Variants in HMGXB3 observed in about 807,000 individuals in gnomAD.
The protein encoded by HMGXB3 is HMG-box containing 3, also known as HMG domain-containing protein 3.
In HMGXB3, 45 loss-of-function variants were observed where a neutral mutation model predicts 121.5. That is an observed-to-expected ratio of 0.37 (90% confidence interval 0.29 to 0.47). The LOEUF (loss-of-function observed/expected upper bound fraction) is 0.47, where lower values mean the gene tolerates loss of function less well. Among genes scored for constraint, HMGXB3 ranks in the 20% least tolerant of loss-of-function variants. The pLI is 0.99. For synonymous variants in HMGXB3, 590 were observed against 624.1 expected, an observed-to-expected ratio of 0.95 and a Z score of 0.81; for missense variants, 1,376 against 1,602.2, an observed-to-expected ratio of 0.86 and a Z score of 2.41.
intron 11 of HMGXB3, among the ~76,000 whole-genome samples, chr5:150,033,005 G>A (rs142915485): frequency 5.4e-4 from 82 of 152,286 alleles, no homozygotes; most frequent in African/African-American, 1.8e-3. Context: ...TTAGACCACC[G>A]CTGCTTTCTC....
chr5:150,007,284 C>G (rs922138531), intron 3 of HMGXB3, among the ~76,000 whole-genome samples: 1 of 152,172 alleles, frequency 6.6e-6, no homozygotes, highest in African/African-American at 2.4e-5. Flanking sequence ...TTCACAGTAA[C>G]AAAATACACT....
intron 15 of HMGXB3, among the ~76,000 whole-genome samples, chr5:150,043,860 CTG>C (rs1756694463): frequency 6.6e-6 from 1 of 152,242 alleles, no homozygotes; most frequent in South Asian, 2.1e-4. Flanking sequence ...CAGCCGCTGA[CTG>C]TGGAGTCTGC....
intron 16 of HMGXB3, 161 bp from the exon 17 acceptor site, chr5:150,047,463 A>G (rs1457715653): frequency 2.7e-6 from 2 of 737,320 alleles, no homozygotes; most frequent in South Asian, 1.9e-5. Context: ...GACTTCAAAT[A>G]TCTGCAGAAA....
intron 18 of HMGXB3, 62 bp from the exon 19 acceptor site, chr5:150,050,190 T>G (rs1756856680): frequency 6.5e-6 from 9 of 1,385,478 alleles, no homozygotes; most frequent in South Asian, 5.0e-5. Flanking sequence ...GAGTGAGAAC[T>G]GTACACTCTC....
intron 16 of HMGXB3, among the ~76,000 whole-genome samples, chr5:150,046,742 G>T (rs905305464): frequency 1.3e-5 from 2 of 152,014 alleles, no homozygotes; most frequent in African/African-American, 4.8e-5. Flanking sequence ...AACCCGGGAG[G>T]CGGAGATTGC....
At chr5:150,031,100 GCCA>G (rs1213912416) in intron 10 of HMGXB3, among the ~76,000 whole-genome samples, 1 of 152,128 alleles carries the variant, frequency 6.6e-6, no homozygotes, top group Non-Finnish European at 1.5e-5. Context: ...ATTGAGAGTT[GCCA>G]GAGATGAGAA....
At chr5:150,029,435 T>A (rs1229405138) in intron 9 of HMGXB3, among the ~76,000 whole-genome samples, 1 of 152,128 alleles carries the variant, frequency 6.6e-6, no homozygotes, top group African/African-American at 2.4e-5. Context: ...TTGTCATACT[T>A]GTGAGCTATA....
intron 15 of HMGXB3, among the ~76,000 whole-genome samples, chr5:150,044,222 G>A (rs1756701901): frequency 6.6e-6 from 1 of 152,156 alleles, no homozygotes; most frequent in Non-Finnish European, 1.5e-5. Flanking sequence ...GGAAGTTATT[G>A]AACAAAACTT....
chr5:150,022,444 T>C (rs995327369), intron 6 of HMGXB3, among the ~76,000 whole-genome samples: 2 of 152,162 alleles, frequency 1.3e-5, no homozygotes, highest in African/African-American at 2.4e-5. Context: ...ATGGCAGCAG[T>C]TGAGGTCTCT....
At chr5:150,032,672 A>T (rs1756408702) in intron 11 of HMGXB3, 69 bp downstream of exon 11, 3 of 1,502,040 alleles carry the variant, frequency 2.0e-6, no homozygotes, top group Non-Finnish European at 2.7e-6. Context: ...GTCTTAGTAG[A>T]AATAAGAAGA....
chr5:150,017,070 A>G (rs1031576635), intron 5 of HMGXB3, among the ~76,000 whole-genome samples: 7 of 152,204 alleles, frequency 4.6e-5, no homozygotes, highest in Non-Finnish European at 7.3e-5. Context: ...TCTCCTGGAA[A>G]TTACTGTTCT....
At chr5:150,024,837 G>T (rs1482174209) in intron 7 of HMGXB3, among the ~76,000 whole-genome samples, 157 bp downstream of exon 7, 1 of 152,166 alleles carries the variant, frequency 6.6e-6, no homozygotes, top group East Asian at 1.9e-4. Context: ...TATAAAGATT[G>T]TCCCTTCCCC....
rs750033066 is a variant in HMGXB3 at position 150,006,518 on chromosome 5, G to C, written c.183G>C (p.Gln61His). ...ATTACGACATCTACCTGAAAGTGCA[G>C]CAGGAGCTCCCCCACCTCCCTCAGT... ...LYYYDIYLKV[Q>H]QELPHLPQSE... The change falls in exon 3 of 20, where the codon CAG (glutamine) becomes CAC (histidine). Residue 61 changes from glutamine to histidine, a missense_variant. By Grantham distance (24) the Gln-to-His change is conservative. This residue lies in a region of HMGXB3 where 1,116 missense variants were observed against 1,369.0 expected (regional missense o/e 0.82). Transcript: ENST00000502717. 3.1e-5 allele frequency: 48 copies of C among 1,551,804 alleles called. No homozygotes were observed. The highest frequency in any genetic ancestry group is 3.9e-5 in the Non-Finnish European group (45 of 1,147,020).
At position 150,010,212 on chromosome 5, in the gene HMGXB3, G is replaced by T; in HGVS notation, c.414G>T (p.Leu138=). 1.3e-6 allele frequency: 2 copies of T among 1,551,860 alleles called. No individual in the cohort carries two copies. The highest frequency in any genetic ancestry group is 2.4e-5 in the East Asian group (1 of 40,916). ...ATATCATCATCCCCAAGAGCAGCCT[G>T]CAGGAGGACCGGAGCTGCCCTCAGC... ...SDYIIIPKSS[L]QEDRSCPQLE... The change falls in exon 4 of 20, where the codon CTG becomes CTT. Residue 138 remains leucine, a synonymous_variant. Coordinates refer to ENST00000502717, the MANE Select transcript of HMGXB3 (RefSeq NM_014983.3).
intron 5 of HMGXB3, among the ~76,000 whole-genome samples, chr5:150,016,564 A>G (rs948191343): frequency 9.8e-5 from 15 of 152,292 alleles, no homozygotes; most frequent in African/African-American, 3.1e-4. Flanking sequence ...TCTAATATCT[A>G]GCTTTTAAAA....
At chr5:150,031,757 A>G (rs1756385925) in intron 10 of HMGXB3, among the ~76,000 whole-genome samples, 1 of 152,188 alleles carries the variant, frequency 6.6e-6, no homozygotes, top group African/African-American at 2.4e-5. Context: ...TTTATTGAGC[A>G]CATATTCTGT....
chr5:150,030,748 G>C lies in HMGXB3; in HGVS notation c.1742G>C (p.Ser581Thr). The C allele has an allele frequency of 1.3e-6, 2 of 1,551,918 alleles. No homozygotes were observed. Among genetic ancestry groups the C allele is most frequent in the Non-Finnish European group, 8.7e-7 (1 of 1,146,822 alleles). The change falls in exon 10 of 20, where the codon AGT becomes ACT. Residue 581 changes from serine to threonine, a missense_variant. By Grantham distance (58) the Ser-to-Thr change is moderately conservative (BLOSUM62 1). This residue lies in a region of HMGXB3 where 1,116 missense variants were observed against 1,369.0 expected (regional missense o/e 0.82). Transcript: ENST00000502717. ...ATTTGTTCTGATCCACAGCTACCAAGTGGCCCATCCAACAGGACTTCTCAG... is the reference window on the plus strand; with the variant it reads ...ATTTGTTCTGATCCACAGCTACCAACTGGCCCATCCAACAGGACTTCTCAG... ...PSGPGEVKLPSGPSNRTSQVK... is the reference protein window; with the variant it reads ...PSGPGEVKLPTGPSNRTSQVK...
chr5:150,032,726 A>T, intron 11 of HMGXB3, 123 bp downstream of exon 11: 1 of 1,173,612 alleles, frequency 8.5e-7, no homozygotes, highest in Non-Finnish European at 1.2e-6. Context: ...AAACTGAACC[A>T]GTTGGTGGGT....
intron 14 of HMGXB3, among the ~76,000 whole-genome samples, chr5:150,041,325 A>G (rs1215497284): frequency 6.6e-6 from 1 of 152,152 alleles, no homozygotes; most frequent in Admixed American, 6.5e-5. Flanking sequence ...TATAGGCTCC[A>G]ATCCCCCTCT....
Sources: allele counts gnomAD v4.1 joint callset (sites outside exome capture counted in the v4.1 genomes callset), GRCh38; gene constraint gnomAD v4.1.1; regional missense constraint gnomAD v4.1.1; transcripts MANE v1.5; gene names NCBI Gene and HGNC (gene_info 2026-07-23, HGNC 2026-07-21).